TSPAN10: variants seen among roughly 807,000 people sequenced by gnomAD.
TSPAN10 encodes the protein tetraspanin-10.
TSPAN10 carries 11 observed loss-of-function variants against 15.0 expected under a neutral mutation model. The observed-to-expected ratio is 0.73, with a 90% confidence interval of 0.46 to 1.21. The LOEUF (loss-of-function observed/expected upper bound fraction) is 1.21, where lower values mean the gene tolerates loss of function less well. Ranked by LOEUF, TSPAN10 falls within the 50% of genes most tolerant of loss-of-function variation. TSPAN10 has a pLI of 0.00. For synonymous variants in TSPAN10, 241 were observed against 226.2 expected, an observed-to-expected ratio of 1.07 and a Z score of -0.59; for missense variants, 486 against 470.6, an observed-to-expected ratio of 1.03 and a Z score of -0.30.
chr17:81,639,369 G>C (rs1489950887), upstream of TSPAN10, among the ~76,000 whole-genome samples: 1 of 151,606 alleles, frequency 6.6e-6, no homozygotes, highest in Non-Finnish European at 1.5e-5. Context: ...TACCACGCCC[G>C]GCTAATTTTT....
chr17:81,644,873 G>A lies in TSPAN10; in HGVS notation c.37-119G>A, dbSNP rs571708798. The A allele has an allele frequency of 2.1e-5, 30 of 1,415,972 alleles. No homozygotes were observed. The African/African-American group carries it at 3.6e-4, about 17-fold the overall frequency. The allele number at this position is 1,415,972 out of a possible 1,614,324, so 87.7% of individuals were successfully genotyped here. On this transcript the variant is annotated intron_variant, in intron 1 of 2. Transcript: ENST00000611590. ...TCTCTGAGCTCCAGTGCTGCCCTCC[G>A]CCATCCGGCATCCTCCCATCCCTCG...
At chr17:81,648,478 C>T (rs973492176), downstream of TSPAN10, 1 of 544,164 alleles carries the variant, frequency 1.8e-6, no homozygotes, top group Non-Finnish European at 2.6e-6. Flanking sequence ...CAGCCCCCAA[C>T]GCAGGGCGCC....
chr17:81,644,049 A>C (rs1598710068), intron 1 of TSPAN10, among the ~76,000 whole-genome samples: 1 of 130,156 alleles, frequency 7.7e-6, no homozygotes, highest in Admixed American at 8.7e-5. Context: ...AGGTTTCTCC[A>C]CGTTGCTCAG....
upstream of TSPAN10, chr17:81,642,278 T>C (rs1367888800): frequency 5.2e-6 from 5 of 956,002 alleles, no homozygotes; most frequent in East Asian, 1.3e-4. Context: ...CCTCCCCCAT[T>C]CCCATGCCCA....
At position 81,645,730 on chromosome 17, in the gene TSPAN10, C is replaced by T. The variant is rs139656598; in HGVS notation, c.674+101C>T. 37 of 1,432,986 alleles carry T rather than the reference C, an allele frequency of 2.6e-5. No homozygotes were observed. In the African/African-American group the frequency reaches 3.9e-4, roughly 15 times the overall value. The allele number at this position is 1,432,986 out of a possible 1,614,324, so 88.8% of individuals were successfully genotyped here. ...AGTCACTCACACGTACATACTCATT[C>T]GTGCATGCCCACATGCATGCACACG... On this transcript the variant is annotated intron_variant, in intron 2 of 2. Transcript: ENST00000611590.
exon 2 of TSPAN10, chr17:81,645,545 C>G (rs756082489): frequency 6.2e-7 from 1 of 1,608,144 alleles, no homozygotes; most frequent in South Asian, 1.1e-5. Context: ...CAGGACGACC[C>G]AGACCTGCGC....
At chr17:81,647,922 C>G (rs756611529) in exon 3 of TSPAN10, 1 of 1,606,326 alleles carries the variant, frequency 6.2e-7, no homozygotes, top group South Asian at 1.1e-5. Flanking sequence ...GCAGCTCCCC[C>G]GGGGTGCAGG....
At chr17:81,645,995 A>G in intron 2 of TSPAN10, 1 of 375,842 alleles carries the variant, frequency 2.7e-6, no homozygotes, top group Non-Finnish European at 4.8e-6. Flanking sequence ...GGCCCCAATC[A>G]GCCCTGCGGC....
exon 2 of TSPAN10, chr17:81,645,104 C>T (rs764209230): frequency 8.8e-6 from 14 of 1,589,304 alleles, no homozygotes; most frequent in Middle Eastern, 1.7e-4. Flanking sequence ...TGCTGTCCCC[C>T]GGAGACCAAG....
At chr17:81,643,033 T>C (rs1198186985) in intron 1 of TSPAN10, among the ~76,000 whole-genome samples, 1 of 148,486 alleles carries the variant, frequency 6.7e-6, no homozygotes, top group Non-Finnish European at 1.5e-5. Context: ...TTAGATAGAG[T>C]CTCGCTCTGT....
chr17:81,645,099 T>A lies in TSPAN10; in HGVS notation c.144T>A (p.Cys48Ter), dbSNP rs2036226624. 1 of 1,590,162 alleles carries A rather than the reference T, an allele frequency of 6.3e-7. No homozygotes were observed. Among genetic ancestry groups the A allele is most frequent in the Non-Finnish European group, 8.5e-7 (1 of 1,173,542 alleles). ...CGGAGGCCTGGGGCTGCAGCTGCTGTCCCCCGGAGACCAAGCACCAGGCCT... is the reference window on the plus strand; with the variant it reads ...CGGAGGCCTGGGGCTGCAGCTGCTGACCCCCGGAGACCAAGCACCAGGCCT... The change falls in exon 2 of 3, where the codon TGT (cysteine) becomes TGA (stop). Residue 48 changes from cysteine to a stop codon, truncating the protein, a stop_gained. Coordinates refer to ENST00000611590, the Ensembl canonical transcript of TSPAN10. LOFTEE classifies it high-confidence loss of function.
chr17:81,642,555 CA>C, intron 1 of TSPAN10, 107 bp downstream of exon 2: 2 of 1,118,044 alleles, frequency 1.8e-6, no homozygotes, highest in Non-Finnish European at 2.6e-6. Flanking sequence ...CCCCTGGTGC[CA>C]CCCCACACCT....
At position 81,647,897 on chromosome 17, in the gene TSPAN10, G is replaced by T; in HGVS notation, c.675-4G>T. The T allele has an allele frequency of 6.3e-7, 1 of 1,587,260 alleles. No homozygotes were observed. Among genetic ancestry groups the T allele is most frequent in the Non-Finnish European group, 8.5e-7 (1 of 1,169,888 alleles). On this transcript the variant is annotated splice_polypyrimidine_tract_variant and splice_region_variant and intron_variant, in intron 2 of 2. Coordinates refer to ENST00000611590, the Ensembl canonical transcript of TSPAN10. ...CAGAACTGACGATTCCATGCGCCTT[G>T]CAGGTACTTTAACTGCAGCTCCCCC...
At chr17:81,638,836 T>C (rs1158875084), upstream of TSPAN10, 4 of 152,264 alleles carry the variant, frequency 2.6e-5, no homozygotes, top group East Asian at 7.7e-4. Flanking sequence ...TTAATAGTGA[T>C]GTTATCCTGA....
chr17:81,637,570 G>A (rs2036121424), upstream of TSPAN10: 1 of 544,244 alleles, frequency 1.8e-6, no homozygotes, highest in Non-Finnish European at 3.3e-6. Flanking sequence ...AAGCCAAGGT[G>A]GACGGATCAC....
chr17:81,643,246 C>A (rs1449749534), intron 1 of TSPAN10, among the ~76,000 whole-genome samples: 7 of 150,106 alleles, frequency 4.7e-5, no homozygotes, highest in Non-Finnish European at 8.9e-5. Context: ...GATCCACCCG[C>A]CTCGGCCTCC....
At chr17:81,642,390 G>C, upstream of TSPAN10, 1 of 1,613,534 alleles carries the variant, frequency 6.2e-7, no homozygotes, top group Non-Finnish European at 8.5e-7. Flanking sequence ...CTGTGCTGGG[G>C]GCTTTCTGTT....
At chr17:81,648,076 C>A (rs1035200083) in exon 3 of TSPAN10, 14 of 1,591,710 alleles carry the variant, frequency 8.8e-6, no homozygotes, top group Non-Finnish European at 1.1e-5. Context: ...CCCGCCGCTC[C>A]GGCGGTGGCT....
intron 1 of TSPAN10, among the ~76,000 whole-genome samples, chr17:81,643,157 A>ACCC (rs2036197747): frequency 6.6e-6 from 1 of 150,564 alleles, no homozygotes; most frequent in Non-Finnish European, 1.5e-5. Context: ...GGCACATGCC[A>ACCC]CCACACCCAG....
Sources: gnomAD v4.1 joint callset for allele counts (sites outside exome capture counted in the v4.1 genomes callset) on GRCh38, gnomAD v4.1.1 for gene constraint, MANE v1.5 for transcripts, NCBI Gene and HGNC (gene_info 2026-07-23, HGNC 2026-07-21) for gene names.